The following CNTROB variants were observed in gnomAD, a reference collection of about 807,000 sequenced individuals.
The protein encoded by CNTROB is centrobin, centriole duplication and spindle assembly protein, also known as centrobin.
In CNTROB, 82 loss-of-function variants were observed where a neutral mutation model predicts 115.7. The observed-to-expected ratio is 0.71, with a 90% CI of 0.59 to 0.85. The LOEUF (loss-of-function observed/expected upper bound fraction) is 0.85, where lower values mean the gene tolerates loss of function less well. CNTROB is among the 40% of genes least tolerant of loss of function. The pLI, the probability that CNTROB is intolerant of heterozygous loss-of-function variation, is 0.00. For synonymous variants in CNTROB, 439 were observed against 456.4 expected (o/e 0.96, Z 0.49); for missense variants, 1,014 against 1,144.4 (o/e 0.89, Z 1.64).
chr17:7,936,584 C>A, intron 5 of CNTROB, 102 bp downstream of exon 5: 1 of 791,704 alleles, frequency 1.3e-6, no homozygotes, highest in Non-Finnish European at 2.3e-6. Flanking sequence ...ATGCTGAGAG[C>A]TGGGCAAGGG....
chr17:7,941,829 G>A (rs1232415492), intron 9 of CNTROB, among the ~76,000 whole-genome samples: 1 of 151,982 alleles, frequency 6.6e-6, no homozygotes, highest in Non-Finnish European at 1.5e-5. Context: ...CGGGTATAGT[G>A]GCATGCACCT....
intron 7 of CNTROB, among the ~76,000 whole-genome samples, chr17:7,937,771 C>A (rs1364534935): frequency 6.6e-6 from 1 of 151,698 alleles, no homozygotes; most frequent in East Asian, 1.9e-4. Flanking sequence ...CCACTGCACT[C>A]CAGCCTGGGT....
In CNTROB at chr17:7,944,509, G is replaced by C; in HGVS notation, c.1605G>C (p.Leu535=). Residue 535 remains leucine (L), a synonymous_variant, in exon 12 of 19, where the codon CTG becomes CTC. Coordinates refer to ENST00000563694, the MANE Select transcript of CNTROB (RefSeq NM_053051.5). The surrounding 1 kb of genome is among the most constrained non-coding windows in gnomAD (Gnocchi z 4.0). Reference sequence around the variant, plus strand: ...GGGAGCAAGCGCGAGTGTGCGAACTGCAGAGTGGGAACCAGCAGCTGGAGG... The same window carrying C: ...GGGAGCAAGCGCGAGTGTGCGAACTCCAGAGTGGGAACCAGCAGCTGGAGG... ...LAREQARVCE[L]QSGNQQLEEQ... 1 of 1,614,062 alleles carries C rather than the reference G, an allele frequency of 6.2e-7. No homozygotes were observed. Among genetic ancestry groups the C allele is most frequent in the Non-Finnish European group, 8.5e-7 (1 of 1,179,996 alleles).
chr17:7,934,973 T>C lies in CNTROB; in HGVS notation c.438-16T>C. ...AAGCTTTCCCAGCCCTAACATTCTC[T>C]ACCTGATTTGCTCAGCACCCGGCCC... On this transcript the variant is annotated splice_polypyrimidine_tract_variant and intron_variant, in intron 3 of 18. Coordinates refer to ENST00000563694, the MANE Select transcript of CNTROB (RefSeq NM_053051.5). 1 of 1,556,446 alleles carries C rather than the reference T, an allele frequency of 6.4e-7. No homozygotes were observed. The highest frequency in any genetic ancestry group is 8.7e-7 in the Non-Finnish European group (1 of 1,152,948).
At chr17:7,940,315 T>TGTCTGCCACAACTCC in intron 9 of CNTROB, 73 bp downstream of exon 9, 2 of 1,409,084 alleles carry the variant, frequency 1.4e-6, no homozygotes, top group Non-Finnish European at 1.9e-6. Flanking sequence ...CTCTCAGGAG[T>TGTCTGCCACAACTCC]TGTGGCAGAC....
In CNTROB at chr17:7,949,563, T is replaced by G. The variant is rs1011012859; in HGVS notation, c.*53T>G. On this transcript the variant is annotated 3_prime_UTR_variant, in exon 19 of 19. Transcript: ENST00000563694. ...CTCTCATTGTTGTTATTTTAATAAA[T>G]GCTCATTAGTCTGTATCAGAGTCTC... 1.3e-6 allele frequency: 2 copies of G among 1,537,168 alleles called. No individual in the cohort carries two copies. The highest frequency in any genetic ancestry group is 1.8e-6 in the Non-Finnish European group (2 of 1,139,924).
At chr17:7,938,159 C>T (rs371238983) in intron 7 of CNTROB, among the ~76,000 whole-genome samples, 2 of 152,034 alleles carry the variant, frequency 1.3e-5, no homozygotes, top group South Asian at 2.1e-4. Context: ...TATACCACCA[C>T]GCCTAGCTAA....
chr17:7,948,488 T>G lies in CNTROB; in HGVS notation c.2382T>G (p.Gly794=). The change falls in exon 17 of 19, where the codon GGT becomes GGG. Residue 794 remains glycine (G), a splice_region_variant and synonymous_variant. Coordinates refer to ENST00000563694, the MANE Select transcript of CNTROB (RefSeq NM_053051.5). This position sits in a 1 kb window ranked among gnomAD's most constrained non-coding sequence, Gnocchi z 4.4. The part of the protein sequence containing the change: ...SGPSSGSPER[G]GDGLTFPRQL... ...TGTGATTATTGCGATGTCTGTCAGG[T>G]GGAGATGGGCTTACATTCCCAAGGC... 6.2e-7 allele frequency: 1 copy of G among 1,613,794 alleles called. No individual in the cohort carries two copies. The highest frequency in any genetic ancestry group is 8.5e-7 in the Non-Finnish European group (1 of 1,179,924).
chr17:7,936,711 G>T lies in CNTROB; in HGVS notation c.722G>T (p.Arg241Leu). ...CTTGCCCTACCTAAGACCCTGGCCC[G>T]TGTGGTGGAGGGCTGGAACCGGCAT... ...MIEQLDKTLA[R>L]VVEGWNRHEA... Residue 241 changes from arginine (R) to leucine (L), a missense_variant, in exon 6 of 19, where the codon CGT (arginine) becomes CTT (leucine). Arg to Leu is a moderately radical substitution (Grantham distance 102). Coordinates refer to ENST00000563694, the MANE Select transcript of CNTROB (RefSeq NM_053051.5). The T allele has an allele frequency of 1.4e-6, 2 of 1,451,224 alleles. No homozygotes were observed. Among genetic ancestry groups the T allele is most frequent in the African/African-American group, 2.8e-5 (2 of 71,982 alleles). 89.9% of individuals were successfully genotyped at this position (1,451,224 alleles called of 1,614,324 possible). A position where few individuals can be genotyped will look rare whatever the true frequency, so the allele number is the denominator to read the frequency against.
intron 9 of CNTROB, among the ~76,000 whole-genome samples, chr17:7,942,331 G>A (rs1397311827): frequency 3.3e-5 from 5 of 152,070 alleles, no homozygotes; most frequent in Non-Finnish European, 7.4e-5. Flanking sequence ...GGCCATGCGC[G>A]GTGGCTCACA....
chr17:7,943,647 C>A lies in CNTROB; in HGVS notation c.1445+123C>A, dbSNP rs886139938. On this transcript the variant is annotated intron_variant, in intron 10 of 18. Coordinates refer to ENST00000563694, the MANE Select transcript of CNTROB (RefSeq NM_053051.5). The surrounding 1 kb of genome is among the most constrained non-coding windows in gnomAD (Gnocchi z 4.7). ...CTGTGACTCCCAGGGTGCGCTAACT[C>A]CCATCAGCTGGGACCTGAGTCTCTC... 1 of 1,055,462 alleles carries A rather than the reference C, an allele frequency of 9.5e-7. No homozygotes were observed. The highest frequency in any genetic ancestry group is 1.6e-5 in the African/African-American group (1 of 62,480). 65.4% of individuals were successfully genotyped at this position (1,055,462 alleles called of 1,614,324 possible). A position where few individuals can be genotyped will look rare whatever the true frequency, so the allele number is the denominator to read the frequency against.
At chr17:7,936,272 T>C (rs1200909987) in intron 4 of CNTROB, 94 bp from the exon 5 acceptor site, 1 of 758,116 alleles carries the variant, frequency 1.3e-6, no homozygotes. Context: ...GCTTCTTGGC[T>C]CCAGCCCACT....
chr17:7,942,472 C>T (rs527519238), intron 9 of CNTROB, among the ~76,000 whole-genome samples: 1 of 151,696 alleles, frequency 6.6e-6, no homozygotes, highest in East Asian at 2.0e-4. Flanking sequence ...TGGCACGCAC[C>T]TGTAGTTGCA....
intron 18 of CNTROB, 74 bp from the exon 19 acceptor site, chr17:7,949,311 G>T (rs1351725655): frequency 1.1e-5 from 17 of 1,598,744 alleles, no homozygotes; most frequent in Non-Finnish European, 1.1e-5. Context: ...CTCTCCACGT[G>T]CATTTCCTCA....
In CNTROB at chr17:7,933,183, C is replaced by A. The variant is rs1567903775; in HGVS notation, c.104C>A (p.Thr35Asn). ...PGLNQVSSEV[T>N]SQLYASLRLS... ...CTCAACCAAGTGTCGTCTGAAGTGA[C>A]CTCCCAGCTCTATGCTTCTTTGCGC... is the stretch of plus-strand genomic sequence containing the variant. Residue 35 changes from threonine (T) to asparagine (N), a missense_variant, in exon 1 of 19, where the codon ACC becomes AAC. Physicochemically the swap from Thr to Asn is moderately conservative, Grantham distance 65. Coordinates refer to ENST00000563694, the MANE Select transcript of CNTROB (RefSeq NM_053051.5). 6.2e-6 allele frequency: 10 copies of A among 1,614,116 alleles called. No homozygotes were observed. Among genetic ancestry groups the A allele is most frequent in the Non-Finnish European group, 8.5e-6 (10 of 1,180,056 alleles).
rs1436926464 is a variant in CNTROB at position 7,933,120 on chromosome 17, C to T, written c.41C>T (p.Ala14Val). 3 of 1,614,180 alleles carry T rather than the reference C, an allele frequency of 1.9e-6. No individual in the cohort carries two copies. Among genetic ancestry groups the T allele is most frequent in the Non-Finnish European group, 2.5e-6 (3 of 1,180,026 alleles). ...SADSPSSPLG[A>V]EDLLSDSSEP... ...GACAGCCCCAGTTCACCCCTCGGGG[C>T]GGAGGATCTCCTGAGTGATTCATCA... Residue 14 changes from alanine (A) to valine (V), a missense_variant, in exon 1 of 19, where the codon GCG becomes GTG. Physicochemically the swap from Ala to Val is moderately conservative, Grantham distance 64 (BLOSUM62 0). Transcript: ENST00000563694.
Position 7,943,532 on chromosome 17 carries a change from G to C in CNTROB, c.1445+8G>C, listed in dbSNP as rs753956032. 1 of 1,607,430 alleles carries C rather than the reference G, an allele frequency of 6.2e-7. No homozygotes were observed. The highest frequency in any genetic ancestry group is 1.7e-5 in the Admixed American group (1 of 59,646). Reference sequence around the variant, plus strand: ...CCTCAGGGAACATCACAGGTACGTGGGACTCACTGGGTGTCACTTCTCTCA... The same window carrying C: ...CCTCAGGGAACATCACAGGTACGTGCGACTCACTGGGTGTCACTTCTCTCA... On this transcript the variant is annotated splice_region_variant and intron_variant, in intron 10 of 18. Coordinates refer to ENST00000563694, the MANE Select transcript of CNTROB (RefSeq NM_053051.5). The surrounding 1 kb of genome is among the most constrained non-coding windows in gnomAD (Gnocchi z 4.7).
In CNTROB at chr17:7,947,982, G is replaced by A; in HGVS notation, c.2209+3G>A. On this transcript the variant is annotated splice_donor_region_variant and intron_variant, in intron 15 of 18. Coordinates refer to ENST00000563694, the MANE Select transcript of CNTROB (RefSeq NM_053051.5). Reference sequence around the variant, plus strand: ...CGACCTGTTGCCCCCTAAGTCTGGTGAGTTCCAACTCTGAAGAAGGTTGGG... The same window carrying A: ...CGACCTGTTGCCCCCTAAGTCTGGTAAGTTCCAACTCTGAAGAAGGTTGGG... 1.2e-6 allele frequency: 2 copies of A among 1,613,486 alleles called. No individual in the cohort carries two copies.
At chr17:7,935,501 CAAAA>C (rs879389633) in intron 4 of CNTROB, among the ~76,000 whole-genome samples, 1 of 124,048 alleles carries the variant, frequency 8.1e-6, no homozygotes, top group African/African-American at 3.0e-5. Context: ...GACTCCGTCT[CAAAA>C]AAAAAAAACT....
Sources: allele counts gnomAD v4.1 joint callset (sites outside exome capture counted in the v4.1 genomes callset), GRCh38; gene constraint gnomAD v4.1.1; non-coding constraint Gnocchi (gnomAD v3.1); transcripts MANE v1.5; gene names NCBI Gene and HGNC (gene_info 2026-07-23, HGNC 2026-07-21).